RADIL: variants seen among roughly 807,000 people sequenced by gnomAD.
RADIL encodes the protein Rap associating with DIL domain, also known as ras-associating and dilute domain-containing protein.
RADIL carries 99 observed loss-of-function variants against 97.6 expected under a neutral mutation model. The ratio of observed to expected loss-of-function variants is 1.01; its 90% confidence interval spans 0.86 to 1.20. The LOEUF (loss-of-function observed/expected upper bound fraction) is 1.20. Among genes scored for constraint, RADIL ranks in the 50% most tolerant of loss-of-function variants. The pLI is 0.00. For synonymous variants in RADIL, 803 were observed against 691.8 expected, an observed-to-expected ratio of 1.16 and a Z score of -2.52; for missense variants, 1,765 against 1,498.9, an observed-to-expected ratio of 1.18 and a Z score of -2.93.
At chr7:4,832,100 C>T (rs1183658111) in intron 5 of RADIL, 41 bp downstream of exon 5, 11 of 1,606,474 alleles carry the variant, frequency 6.8e-6, no homozygotes, top group Non-Finnish European at 9.4e-6. Flanking sequence ...CCCCCAGGAC[C>T]TGCTGCCCAG....
chr7:4,832,741 C>CAAAAAAA (rs71032992), intron 4 of RADIL, among the ~76,000 whole-genome samples: 3 of 66,514 alleles, frequency 4.5e-5, no homozygotes, highest in Non-Finnish European at 5.5e-5. Flanking sequence ...TCCGTCTCAG[C>CAAAAAAA]AAAAAAAAAA....
At chr7:4,860,160 T>C (rs894270210) in intron 2 of RADIL, 10 of 1,613,882 alleles carry the variant, frequency 6.2e-6, no homozygotes, top group Admixed American at 1.7e-5. Flanking sequence ...CCCTGAGAAC[T>C]GCTAATCAAT....
Position 4,799,215 on chromosome 7 carries a change from C to T in RADIL, c.*163G>A. The T allele has an allele frequency of 3.2e-6, 2 of 616,220 alleles. No individual in the cohort carries two copies. Among genetic ancestry groups the T allele is most frequent in the Non-Finnish European group, 5.8e-6 (2 of 347,022 alleles). The allele number at this position is 616,220 out of a possible 1,614,324, so 38.2% of individuals were successfully genotyped here. A position where few individuals can be genotyped will look rare whatever the true frequency, so the allele number is the denominator to read the frequency against. On this transcript the variant is annotated 3_prime_UTR_variant, in exon 15 of 15. Transcript: ENST00000399583. ...CACGTCATCTGCCATATAAATAGAACCTACACTGAGATGCATGTTATCAAC... is the reference window on the plus strand; with the variant it reads ...CACGTCATCTGCCATATAAATAGAATCTACACTGAGATGCATGTTATCAAC...
At chr7:4,868,253 G>A (rs568153183) in intron 2 of RADIL, among the ~76,000 whole-genome samples, 14 of 152,220 alleles carry the variant, frequency 9.2e-5, no homozygotes, top group African/African-American at 2.9e-4. Context: ...TAGTAGAGAC[G>A]GGGTTTCACC....
Position 4,834,666 on chromosome 7 carries a change from G to A in RADIL, c.1357C>T (p.Pro453Ser). 7.3e-7 allele frequency: 1 copy of A among 1,370,160 alleles called. No individual in the cohort carries two copies. 84.9% of individuals were successfully genotyped at this position (1,370,160 alleles called of 1,614,324 possible). A position where few individuals can be genotyped will look rare whatever the true frequency, so the allele number is the denominator to read the frequency against. ...AGCAGGAGCTGCCCGAATGTGCCCG[G>A]CTGGAAGTGGGTGGCCGAGTGCTGG... ...CIQHSATHFQ[P>S]GTFGQLLLKI... Residue 453 changes from proline to serine, a missense_variant, in exon 4 of 15, where the codon CCG (proline) becomes TCG (serine). Physicochemically the swap from Pro to Ser is moderately conservative, Grantham distance 74 (BLOSUM62 -1). Transcript: ENST00000399583. The surrounding 1 kb of genome is among the most constrained non-coding windows in gnomAD (Gnocchi z 6.0).
rs1782932673 is a variant in RADIL, at chr7:4,824,932, C to CA, written c.1455-2379dup. On this transcript the variant is annotated intron_variant, in intron 5 of 14. Transcript: ENST00000399583. This position sits in a 1 kb window ranked among gnomAD's most constrained non-coding sequence, Gnocchi z 6.7. Reference sequence around the variant, plus strand: ...CCAGGAAACAAGTGACCAGGCTTTGCAACTGGAGTTTCGGGATCAGACTCG... The same window carrying CA: ...CCAGGAAACAAGTGACCAGGCTTTGCAAACTGGAGTTTCGGGATCAGACTCG... Among the ~76,000 whole-genome samples the CA allele has an allele frequency of 6.6e-6, 1 of 152,218 alleles. No individual in the cohort carries two copies. The highest frequency in any genetic ancestry group is 6.5e-5 in the Admixed American group (1 of 15,282).
At chr7:4,843,232 C>G (rs2115012252) in intron 2 of RADIL, among the ~76,000 whole-genome samples, 1 of 150,504 alleles carries the variant, frequency 6.6e-6, no homozygotes, top group South Asian at 2.1e-4. Flanking sequence ...CCAGGATGGT[C>G]TCGATCTCCT....
chr7:4,865,386 G>C, intron 2 of RADIL: 1 of 617,320 alleles, frequency 1.6e-6, no homozygotes, highest in Non-Finnish European at 2.9e-6. Flanking sequence ...TTGTTCCCAA[G>C]TTTTATTCAA....
intron 2 of RADIL, among the ~76,000 whole-genome samples, chr7:4,844,345 T>G (rs1055701695): frequency 6.6e-6 from 1 of 151,796 alleles, no homozygotes; most frequent in Non-Finnish European, 1.5e-5. Flanking sequence ...CTCGGGAGGC[T>G]GAGGCAGGAG....
chr7:4,878,066 G>C lies in RADIL; in HGVS notation c.74C>G (p.Ser25Cys), dbSNP rs752647292. The C allele has an allele frequency of 1.2e-6, 2 of 1,600,302 alleles. No individual in the cohort carries two copies. The highest frequency in any genetic ancestry group is 1.7e-6 in the Non-Finnish European group (2 of 1,174,380). The change falls in exon 2 of 15, where the codon TCC (serine) becomes TGC (cysteine). Residue 25 changes from serine to cysteine, a missense_variant. Physicochemically the swap from Ser to Cys is moderately radical, Grantham distance 112. Transcript: ENST00000399583. The surrounding 1 kb of genome is among the most constrained non-coding windows in gnomAD (Gnocchi z 4.1). ...GCTCAGCGTCCGGGACAGCATGCTG[G>C]ACAACAGCTGGCTCTGCCGCTTCAG... The part of the protein sequence containing the change: ...SKLKRQSQLL[S>C]SMLSRTLSYK...
At chr7:4,816,554 A>G (rs571483830) in intron 7 of RADIL, 89 bp from the exon 8 acceptor site, 2 of 1,065,424 alleles carry the variant, frequency 1.9e-6, no homozygotes, top group South Asian at 1.4e-5. Flanking sequence ...CTCCCCACCC[A>G]CGCACTGCTT....
Position 4,880,927 on chromosome 7 carries a change from A to T in RADIL, c.-65+2669T>A, listed in dbSNP as rs1325693039. ...GCCTGGGCAACATAACAAGATCCCA[A>T]TCTCTACAGAAAATAAAAATAAAAA... On this transcript the variant is annotated intron_variant, in intron 1 of 14. Coordinates refer to ENST00000399583, the MANE Select transcript of RADIL (RefSeq NM_018059.5). This position sits in a 1 kb window ranked among gnomAD's most constrained non-coding sequence, Gnocchi z 4.5. Among the ~76,000 whole-genome samples, 2 of 151,992 alleles carry T rather than the reference A, an allele frequency of 1.3e-5. No homozygotes were observed. The highest frequency in any genetic ancestry group is 2.4e-5 in the African/African-American group (1 of 41,378).
At chr7:4,861,309 C>T in intron 2 of RADIL, 1 of 1,614,030 alleles carries the variant, frequency 6.2e-7, no homozygotes, top group Non-Finnish European at 8.5e-7. Flanking sequence ...AATAAAATAT[C>T]AATCTCTATC....
At chr7:4,825,052 G>A (rs1257115372) in intron 5 of RADIL, among the ~76,000 whole-genome samples, 2 of 152,170 alleles carry the variant, frequency 1.3e-5, no homozygotes, top group African/African-American at 4.8e-5. Flanking sequence ...ATCCTACCCA[G>A]GCCTGTGTGG....
In RADIL at chr7:4,805,500, C is replaced by T; in HGVS notation, c.2290+66G>A. 2.0e-6 allele frequency: 3 copies of T among 1,481,862 alleles called. No individual in the cohort carries two copies. The South Asian group carries it at 4.2e-5, about 21-fold the overall frequency. The allele number at this position is 1,481,862 out of a possible 1,614,324, so 91.8% of individuals were successfully genotyped here. ...CTTCAGTTGGGATGAGAGCATGCTG[C>T]CTCCAGCCTCGGGGCGAGTCTCCCA... On this transcript the variant is annotated intron_variant, in intron 10 of 14. Coordinates refer to ENST00000399583, the MANE Select transcript of RADIL (RefSeq NM_018059.5).
chr7:4,803,434 C>A, intron 11 of RADIL, 112 bp downstream of exon 11: 2 of 960,998 alleles, frequency 2.1e-6, no homozygotes, highest in South Asian at 3.5e-5. Flanking sequence ...CCGGGCACCT[C>A]GGGGCACGCT....
At position 4,878,273 on chromosome 7, in the gene RADIL, G is replaced by T. The variant is rs150244718; in HGVS notation, c.-64-70C>A. 4,001 of 1,024,154 alleles carry T rather than the reference G, an allele frequency of 3.9e-3. 7 individuals are homozygous for T. Among genetic ancestry groups the T allele is most frequent in the Middle Eastern group, 7.1e-3 (22 of 3,098 alleles). The allele number at this position is 1,024,154 out of a possible 1,614,324, so 63.4% of individuals were successfully genotyped here. A position where few individuals can be genotyped will look rare whatever the true frequency, so the allele number is the denominator to read the frequency against. ...CCAAGAGCAAATGAGGCCACAGGCG[G>T]TGACTCCTGCCCGTCATCCCAGCGC... On this transcript the variant is annotated intron_variant, in intron 1 of 14. Transcript: ENST00000399583. This position sits in a 1 kb window ranked among gnomAD's most constrained non-coding sequence, Gnocchi z 4.1.
chr7:4,853,223 C>A (rs1783750670), intron 2 of RADIL, among the ~76,000 whole-genome samples: 1 of 152,092 alleles, frequency 6.6e-6, no homozygotes, highest in Non-Finnish European at 1.5e-5. Flanking sequence ...CAACCTTGAG[C>A]GTGAGTGGGA....
At chr7:4,841,997 G>C (rs1025581072) in intron 2 of RADIL, among the ~76,000 whole-genome samples, 1 of 151,948 alleles carries the variant, frequency 6.6e-6, no homozygotes, top group South Asian at 2.1e-4. Context: ...CGAGGCTGCA[G>C]TGAGCTACGA....
Sources: allele counts gnomAD v4.1 joint callset (sites outside exome capture counted in the v4.1 genomes callset), GRCh38; gene constraint gnomAD v4.1.1; non-coding constraint Gnocchi (gnomAD v3.1); transcripts MANE v1.5; gene names NCBI Gene and HGNC (gene_info 2026-07-23, HGNC 2026-07-21).